Variants in KLHL1 observed in about 807,000 individuals in gnomAD.
KLHL1 encodes kelch-like protein 1.
KLHL1 carries 47 observed loss-of-function variants against 77.7 expected under a neutral mutation model. That is an observed-to-expected ratio of 0.60 (90% confidence interval 0.48 to 0.77). The LOEUF (loss-of-function observed/expected upper bound fraction) is 0.77, where lower values mean the gene tolerates loss of function less well. Among genes scored for constraint, KLHL1 ranks in the 30% least tolerant of loss-of-function variants. KLHL1 has a pLI of 0.00. For synonymous variants in KLHL1, 360 were observed against 325.2 expected (o/e 1.11, Z -1.15); for missense variants, 925 against 910.8 (o/e 1.02, Z -0.20).
intron 4 of KLHL1, among the ~76,000 whole-genome samples, chr13:69,934,963 T>TATATAC (rs1883124557): frequency 7.9e-5 from 1 of 12,678 alleles, no homozygotes; most frequent in African/African-American, 2.5e-4. Flanking sequence ...TGTGCATGTG[T>TATATAC]ATATATATAT....
intron 8 of KLHL1, among the ~76,000 whole-genome samples, chr13:69,738,501 A>G (rs1162214630): frequency 6.6e-6 from 1 of 152,132 alleles, no homozygotes; most frequent in African/African-American, 2.4e-5. Flanking sequence ...AAGAACCATG[A>G]TAAAACACTA....
intron 7 of KLHL1, among the ~76,000 whole-genome samples, chr13:69,768,129 C>T (rs1234816142): frequency 1.3e-5 from 2 of 152,048 alleles, no homozygotes; most frequent in Admixed American, 6.6e-5. Context: ...TAAATATTAG[C>T]CATCATTCAA....
At chr13:69,883,782 A>C (rs1881093246) in intron 4 of KLHL1, among the ~76,000 whole-genome samples, 1 of 152,202 alleles carries the variant, frequency 6.6e-6, no homozygotes, top group Non-Finnish European at 1.5e-5. Context: ...TACTTGTCAA[A>C]AACTTTCTTA....
chr13:70,055,226 A>T (rs1886716552), intron 1 of KLHL1, among the ~76,000 whole-genome samples: 1 of 152,152 alleles, frequency 6.6e-6, no homozygotes, highest in African/African-American at 2.4e-5. Flanking sequence ...CAGCTGACTT[A>T]TCAGTGAGAA....
intron 1 of KLHL1, among the ~76,000 whole-genome samples, chr13:70,039,867 C>G (rs930394831): frequency 2.0e-5 from 3 of 152,030 alleles, no homozygotes; most frequent in Non-Finnish European, 4.4e-5. Context: ...TCTCGAAATT[C>G]TGACCTCAAG....
intron 3 of KLHL1, among the ~76,000 whole-genome samples, chr13:69,959,624 C>A (rs1273983455): frequency 6.7e-6 from 1 of 149,588 alleles, no homozygotes; most frequent in Non-Finnish European, 1.5e-5. Flanking sequence ...TTTTTAAAAA[C>A]CTCTTGCTAG....
intron 1 of KLHL1, among the ~76,000 whole-genome samples, chr13:70,078,990 G>T (rs1887329505): frequency 6.6e-6 from 1 of 152,126 alleles, no homozygotes. Flanking sequence ...GATTAGCTGG[G>T]CAGTTTTATT....
intron 4 of KLHL1, among the ~76,000 whole-genome samples, chr13:69,937,887 G>C (rs1883234358): frequency 6.6e-6 from 1 of 152,136 alleles, no homozygotes; most frequent in Non-Finnish European, 1.5e-5. Flanking sequence ...CATCTAAAGA[G>C]TTTGGGCAAG....
chr13:69,708,692 C>T (rs1451146675), intron 9 of KLHL1, among the ~76,000 whole-genome samples: 1 of 151,894 alleles, frequency 6.6e-6, no homozygotes, highest in Admixed American at 6.6e-5. Flanking sequence ...TAGCAAAACC[C>T]TGAAGACTCC....
At chr13:69,811,208 T>C (rs994553740) in intron 6 of KLHL1, among the ~76,000 whole-genome samples, 1 of 152,000 alleles carries the variant, frequency 6.6e-6, no homozygotes, top group African/African-American at 2.4e-5. Context: ...CTGATGAGCA[T>C]AGAAACAAAA....
intron 4 of KLHL1, among the ~76,000 whole-genome samples, chr13:69,937,751 G>A (rs1883230973): frequency 4.6e-5 from 7 of 152,086 alleles, no homozygotes; most frequent in Admixed American, 4.6e-4. Context: ...CACAAATTCA[G>A]TAGCTGAAGC....
intron 5 of KLHL1, among the ~76,000 whole-genome samples, chr13:69,882,061 A>C (rs148014946): frequency 1.9e-4 from 29 of 152,264 alleles, no homozygotes; most frequent in Non-Finnish European, 3.5e-4. Context: ...TATTATCATA[A>C]TCTTACAAGT....
chr13:69,950,320 C>A (rs1279849249), intron 3 of KLHL1, among the ~76,000 whole-genome samples: 1 of 151,376 alleles, frequency 6.6e-6, no homozygotes, highest in South Asian at 2.1e-4. Context: ...ATTACATATC[C>A]ATCATTTGAA....
At chr13:69,795,604 A>G (rs1877069144) in intron 7 of KLHL1, among the ~76,000 whole-genome samples, 1 of 152,150 alleles carries the variant, frequency 6.6e-6, no homozygotes, top group Non-Finnish European at 1.5e-5. Flanking sequence ...GGACTTTACA[A>G]TTTACAAAGT....
chr13:69,728,807 C>CA (rs1018970464), intron 8 of KLHL1, among the ~76,000 whole-genome samples: 24 of 147,160 alleles, frequency 1.6e-4, no homozygotes, highest in Middle Eastern at 7.0e-3. Context: ...GACTCCATCT[C>CA]AAAAAAAAAA....
At chr13:70,038,346 T>C (rs12431235) in intron 1 of KLHL1, among the ~76,000 whole-genome samples, 28,458 of 152,086 alleles carry the variant, frequency 0.19, 3,453 homozygotes, top group East Asian at 0.6. Flanking sequence ...CTATTACAAA[T>C]AATGCTGTTA....
intron 1 of KLHL1, among the ~76,000 whole-genome samples, chr13:70,005,910 CATT>C (rs1486927785): frequency 6.6e-6 from 1 of 151,924 alleles, no homozygotes; most frequent in Non-Finnish European, 1.5e-5. Context: ...CTGAAGTGCT[CATT>C]ATTGTATTAA....
intron 1 of KLHL1, among the ~76,000 whole-genome samples, chr13:70,034,574 C>A (rs749907443): frequency 4.6e-5 from 7 of 152,110 alleles, no homozygotes; most frequent in African/African-American, 1.4e-4. Context: ...GAAAAAAGTT[C>A]TCTTGTCAGA....
chr13:69,882,272 C>T lies in KLHL1; in HGVS notation c.1227+11G>A. On this transcript the variant is annotated intron_variant, in intron 5 of 10. Coordinates refer to ENST00000377844, the MANE Select transcript of KLHL1 (RefSeq NM_020866.3). ...CATTGAATCTATTTAAACAGCGTCACACATCATTACCTGTGGTGGAAGCAG... is the reference window on the plus strand; with the variant it reads ...CATTGAATCTATTTAAACAGCGTCATACATCATTACCTGTGGTGGAAGCAG... The T allele has an allele frequency of 6.3e-7, 1 of 1,582,408 alleles. No homozygotes were observed. The highest frequency in any genetic ancestry group is 8.7e-7 in the Non-Finnish European group (1 of 1,151,356).
Sources: allele counts gnomAD v4.1 joint callset (sites outside exome capture counted in the v4.1 genomes callset), GRCh38; gene constraint gnomAD v4.1.1; transcripts MANE v1.5; gene names NCBI Gene and HGNC (gene_info 2026-07-23, HGNC 2026-07-21).